Variants in MLLT10 observed in about 807,000 individuals in gnomAD.
The protein encoded by MLLT10 is protein AF-10.
In MLLT10, 30 loss-of-function variants were observed where a neutral mutation model predicts 129.1. The observed-to-expected ratio is 0.23, with a 90% CI of 0.17 to 0.32. The LOEUF (loss-of-function observed/expected upper bound fraction) is 0.32, where lower values mean the gene tolerates loss of function less well. Ranked by LOEUF, MLLT10 falls within the 10% of genes least tolerant of loss-of-function variation. The pLI is 1.00. For synonymous variants in MLLT10, 490 were observed against 446.4 expected, an observed-to-expected ratio of 1.10 and a Z score of -1.23; for missense variants, 1,119 against 1,268.3, an observed-to-expected ratio of 0.88 and a Z score of 1.79.
At chr10:21,677,118 G>C (rs1021596932) in intron 11 of MLLT10, among the ~76,000 whole-genome samples, 3 of 152,174 alleles carry the variant, frequency 2.0e-5, no homozygotes, top group Admixed American at 6.5e-5. Context: ...CCTGGGTCCA[G>C]AGCCATTTAA....
chr10:21,670,137 A>C (rs1432523419), intron 9 of MLLT10, among the ~76,000 whole-genome samples: 1 of 152,208 alleles, frequency 6.6e-6, no homozygotes, highest in South Asian at 2.1e-4. Context: ...TGCTTGACAA[A>C]TGAGTATCTT....
In MLLT10 at chr10:21,713,760, G is replaced by A; in HGVS notation, c.1700-12G>A. 6.3e-7 allele frequency: 1 copy of A among 1,599,542 alleles called. No homozygotes were observed. Among genetic ancestry groups the A allele is most frequent in the Non-Finnish European group, 8.5e-7 (1 of 1,171,890 alleles). ...GCTAAGTTATATTTAAATAACATTT[G>A]TTTTTTTGCAGGTATTTATAACAGC... On this transcript the variant is annotated splice_polypyrimidine_tract_variant and intron_variant, in intron 13 of 22. Transcript: ENST00000307729.
At chr10:21,576,254 T>TG (rs951340741) in intron 3 of MLLT10, among the ~76,000 whole-genome samples, 2 of 150,426 alleles carry the variant, frequency 1.3e-5, no homozygotes, top group African/African-American at 4.9e-5. Context: ...TTTTTTTTTT[T>TG]TTTTTTGAGA....
intron 14 of MLLT10, among the ~76,000 whole-genome samples, chr10:21,723,747 C>T (rs940411621): frequency 6.6e-6 from 1 of 152,090 alleles, no homozygotes; most frequent in Non-Finnish European, 1.5e-5. Flanking sequence ...GTTTCTTCCT[C>T]CTTCTAATTA....
intron 8 of MLLT10, among the ~76,000 whole-genome samples, chr10:21,639,520 A>G (rs2047782577): frequency 6.6e-6 from 1 of 152,222 alleles, no homozygotes; most frequent in African/African-American, 2.4e-5. Context: ...CGAAGTATAC[A>G]GATGAAGAGA....
intron 21 of MLLT10, 92 bp from the exon 22 acceptor site, chr10:21,739,938 A>T: frequency 1.0e-6 from 1 of 960,836 alleles, no homozygotes; most frequent in Non-Finnish European, 1.5e-6. Flanking sequence ...GCAAATATCT[A>T]ATATTAAAGG....
intron 5 of MLLT10, among the ~76,000 whole-genome samples, chr10:21,602,324 G>C (rs1213016353): frequency 6.6e-6 from 1 of 151,542 alleles, no homozygotes; most frequent in Non-Finnish European, 1.5e-5. Flanking sequence ...CCTACCCCCA[G>C]CTGGCTCCCC....
chr10:21,670,724 T>TA lies in MLLT10; in HGVS notation c.1051+24dup. On this transcript the variant is annotated intron_variant, in intron 10 of 22. Coordinates refer to ENST00000307729, the MANE Select transcript of MLLT10 (RefSeq NM_001195626.3). ...CTCAAGGTATTAGTGATGTTTTAGT[T>TA]AAAATACTTGTGTTTAAGATGGTTA... is the stretch of plus-strand genomic sequence containing the variant. 2 of 1,597,448 alleles carry TA rather than the reference T, an allele frequency of 1.3e-6. No individual in the cohort carries two copies. The highest frequency in any genetic ancestry group is 1.7e-6 in the Non-Finnish European group (2 of 1,173,608).
chr10:21,689,618 TACAC>T (rs58778532), intron 13 of MLLT10, among the ~76,000 whole-genome samples: 50 of 112,056 alleles, frequency 4.5e-4, no homozygotes, highest in South Asian at 4.0e-3. Context: ...TATATATATA[TACAC>T]ACACACACAC....
rs1410919267 is a variant in MLLT10, at chr10:21,682,254, A to G, written c.1696A>G (p.Asn566Asp). The G allele has an allele frequency of 6.2e-7, 1 of 1,610,718 alleles. No individual in the cohort carries two copies. Among genetic ancestry groups the G allele is most frequent in the Non-Finnish European group, 8.5e-7 (1 of 1,178,812 alleles). The change falls in exon 13 of 23, where the codon AAC becomes GAC. Residue 566 changes from asparagine to aspartate, a missense_variant. By Grantham distance (23) the Asn-to-Asp change is conservative. Coordinates refer to ENST00000307729, the MANE Select transcript of MLLT10 (RefSeq NM_001195626.3). Reference protein sequence around the residue: ...TFSELLNAIHNGIYNSNDVAV... With the variant: ...TFSELLNAIHDGIYNSNDVAV... ...CTCAGAGTTGCTGAATGCAATACAC[A>G]ACGGTAAGTTTTATTAGAATCTTCT...
intron 5 of MLLT10, 48 bp from the exon 6 acceptor site, chr10:21,612,300 A>G (rs1036156762): frequency 1.7e-6 from 2 of 1,152,370 alleles, no homozygotes; most frequent in Non-Finnish European, 2.5e-6. Context: ...ATTCTGATTC[A>G]TGTTAAGAAC....
intron 13 of MLLT10, among the ~76,000 whole-genome samples, chr10:21,709,516 C>A (rs7477335): frequency 0.49 from 74,313 of 152,138 alleles, 18,427 homozygotes; most frequent in East Asian, 0.66. Flanking sequence ...CAGATGTGAG[C>A]CACCGCATCT....
rs759925986 is a variant in MLLT10 at position 21,681,326 on chromosome 10, C to T, written c.1622-6C>T. ...CACTGATTTCCTTTTTCCTTCCTCT[C>T]AACAGAAATTTCCATGCAGTATCGG... is the stretch of plus-strand genomic sequence containing the variant. On this transcript the variant is annotated splice_polypyrimidine_tract_variant and splice_region_variant and intron_variant, in intron 11 of 22. Coordinates refer to ENST00000307729, the MANE Select transcript of MLLT10 (RefSeq NM_001195626.3). 1 of 1,612,326 alleles carries T rather than the reference C, an allele frequency of 6.2e-7. No homozygotes were observed. The highest frequency in any genetic ancestry group is 8.5e-7 in the Non-Finnish European group (1 of 1,179,598).
At chr10:21,553,650 CCTTTT>C (rs911587579) in intron 3 of MLLT10, among the ~76,000 whole-genome samples, 10 of 150,860 alleles carry the variant, frequency 6.6e-5, no homozygotes, top group African/African-American at 2.4e-4. Context: ...TTTTCCTTTT[CCTTTT>C]CTTTTTTTTT....
chr10:21,729,763 T>TACA (rs1467851517), intron 16 of MLLT10, among the ~76,000 whole-genome samples: 1 of 152,200 alleles, frequency 6.6e-6, no homozygotes, highest in Non-Finnish European at 1.5e-5. Context: ...ATGAGATATA[T>TACA]ACAAACGCAT....
intron 3 of MLLT10, among the ~76,000 whole-genome samples, chr10:21,585,125 T>C (rs1321176660): frequency 6.6e-6 from 1 of 151,876 alleles, no homozygotes; most frequent in Non-Finnish European, 1.5e-5. Flanking sequence ...GATTTTGCCG[T>C]GTCGCCCAGG....
chr10:21,596,843 A>G (rs1205791105), intron 5 of MLLT10, among the ~76,000 whole-genome samples: 7 of 151,952 alleles, frequency 4.6e-5, no homozygotes, highest in Non-Finnish European at 7.4e-5. Context: ...GTTTTTTCCC[A>G]TAATTTAACA....
chr10:21,688,450 G>T (rs1033538771), intron 13 of MLLT10: 17 of 1,544,740 alleles, frequency 1.1e-5, no homozygotes, highest in Non-Finnish European at 1.5e-5. Flanking sequence ...TTTAGGAAGT[G>T]GTGATTAAAA....
At chr10:21,701,430 C>CT (rs2054901793) in intron 13 of MLLT10, among the ~76,000 whole-genome samples, 2 of 151,582 alleles carry the variant, frequency 1.3e-5, no homozygotes, top group South Asian at 2.1e-4. Context: ...AGTCTTTCTA[C>CT]TTTTTTGATG....
Sources: gnomAD v4.1 joint callset for allele counts (sites outside exome capture counted in the v4.1 genomes callset) on GRCh38, gnomAD v4.1.1 for gene constraint, MANE v1.5 for transcripts, NCBI Gene and HGNC (gene_info 2026-07-23, HGNC 2026-07-21) for gene names.